The following NELL1 variants were observed in gnomAD, a reference collection of about 807,000 sequenced individuals.
NELL1 encodes the protein neural EGFL like 1.
Under a neutral mutation model 107.4 loss-of-function variants are expected in NELL1, and 76 were observed. The ratio of observed to expected loss-of-function variants is 0.71; its 90% CI spans 0.59 to 0.86. The LOEUF (loss-of-function observed/expected upper bound fraction) is 0.86. NELL1 is among the 40% of genes least tolerant of loss of function. The pLI is 0.00. For missense variants in NELL1, 1,024 were observed against 1,005.5 expected (o/e 1.02, Z -0.25); for synonymous variants, 353 against 341.2 (o/e 1.03, Z -0.38).
At chr11:21,439,715 T>C (rs1241301752) in intron 15 of NELL1, among the ~76,000 whole-genome samples, 2 of 152,158 alleles carry the variant, frequency 1.3e-5, no homozygotes, top group African/African-American at 4.8e-5. Context: ...GTTTCAAGTT[T>C]AGGGTTTTAG....
chr11:20,679,151 G>C lies in NELL1; in HGVS notation c.184+1091G>C, dbSNP rs146713894. On this transcript the variant is annotated intron_variant, in intron 2 of 19. Transcript: ENST00000357134. ...GGTTTGGGTGTACTGATGATTTATG[G>C]TCAGTGTCCATTTTGATAGGTGGGA... 6.9e-3 allele frequency among the ~76,000 whole-genome samples: 1,054 copies of C among 152,204 alleles called. 11 individuals are homozygous for C. The highest frequency in any genetic ancestry group is 0.024 in the African/African-American group (991 of 41,528).
intron 12 of NELL1, among the ~76,000 whole-genome samples, chr11:21,028,657 T>A (rs1056894100): frequency 6.6e-6 from 1 of 152,204 alleles, no homozygotes; most frequent in Non-Finnish European, 1.5e-5. Flanking sequence ...TCTTTCTTTT[T>A]TAACGTTACC....
At chr11:21,230,311 C>T (rs1206951442) in intron 14 of NELL1, among the ~76,000 whole-genome samples, 2 of 152,102 alleles carry the variant, frequency 1.3e-5, no homozygotes, top group Admixed American at 1.3e-4. Context: ...CTTGTCCCCC[C>T]ACTGTCCCTG....
intron 2 of NELL1, among the ~76,000 whole-genome samples, chr11:20,732,135 C>T (rs1264983660): frequency 6.6e-6 from 1 of 151,882 alleles, no homozygotes; most frequent in Non-Finnish European, 1.5e-5. Context: ...CGAGTCCTTT[C>T]CCTCGGTGGA....
chr11:20,859,994 A>G (rs913225131), intron 4 of NELL1, among the ~76,000 whole-genome samples: 1 of 152,218 alleles, frequency 6.6e-6, no homozygotes, highest in Non-Finnish European at 1.5e-5. Context: ...TCCTTAATAT[A>G]GCTTACAAAA....
At position 21,523,091 on chromosome 11, in the gene NELL1, C is replaced by A. The variant is rs139990880; in HGVS notation, c.1646-11283C>A. ...CTTGATCTCCTGACCTCGTGATCCG[C>A]CCGCCTCGGCATCCCAAAGAGCTGG... On this transcript the variant is annotated intron_variant, in intron 15 of 19. Coordinates refer to ENST00000357134, the MANE Select transcript of NELL1 (RefSeq NM_006157.5). 2.0e-5 allele frequency among the ~76,000 whole-genome samples: 3 copies of A among 152,082 alleles called. No individual in the cohort carries two copies. In the East Asian group the frequency reaches 5.8e-4, roughly 30 times the overall value.
rs77897373 is a variant in NELL1 at position 21,062,480 on chromosome 11, T to C, written c.1301-51109T>C. Among the ~76,000 whole-genome samples the C allele has an allele frequency of 9.4e-3, 1,429 of 152,298 alleles. 16 individuals are homozygous for C. The highest frequency in any genetic ancestry group is 0.032 in the African/African-American group (1,329 of 41,548). On this transcript the variant is annotated intron_variant, in intron 12 of 19. Transcript: ENST00000357134. ...TAATAAATCTATTAACTAGAAAGCT[T>C]TTGGCTAAACTTTCTTTTCTGTTTC...
chr11:20,705,576 A>G lies in NELL1; in HGVS notation c.184+27516A>G, dbSNP rs1310821758. On this transcript the variant is annotated intron_variant, in intron 2 of 19. Transcript: ENST00000357134. ...CCATAAAAACCCTAGAAGAAAACCT[A>G]GGCAATACCATTCAGGACATAGGCG... Among the ~76,000 whole-genome samples the G allele has an allele frequency of 1.4e-5, 2 of 142,592 alleles. 1 individual carries two copies. The highest frequency in any genetic ancestry group is 5.3e-5 in the African/African-American group (2 of 37,414). 93.5% of individuals were successfully genotyped at this position (142,592 alleles called of 152,430 possible).
chr11:21,498,761 T>C (rs1855056146), intron 15 of NELL1, among the ~76,000 whole-genome samples: 2 of 152,076 alleles, frequency 1.3e-5, no homozygotes, highest in Non-Finnish European at 2.9e-5. Flanking sequence ...TACCCATTTA[T>C]ACCATTGTAG....
At position 21,033,755 on chromosome 11, in the gene NELL1, C is replaced by A. The variant is rs1011630880; in HGVS notation, c.1300+73195C>A. ...AATTTATATTCCTTTGGGTATATAC[C>A]CAGTAATAGAATTGCTGGGTCGAAT... On this transcript the variant is annotated intron_variant, in intron 12 of 19. Coordinates refer to ENST00000357134, the MANE Select transcript of NELL1 (RefSeq NM_006157.5). 4.6e-5 allele frequency among the ~76,000 whole-genome samples: 7 copies of A among 151,934 alleles called. No homozygotes were observed. The South Asian group carries it at 1.0e-3, about 23-fold the overall frequency.
At chr11:21,356,110 C>T (rs981024739) in intron 14 of NELL1, among the ~76,000 whole-genome samples, 1 of 152,166 alleles carries the variant, frequency 6.6e-6, no homozygotes, top group African/African-American at 2.4e-5. Flanking sequence ...TTTCTCCTAT[C>T]ACTTGCTATC....
At chr11:21,300,809 T>C (rs1849475688) in intron 14 of NELL1, among the ~76,000 whole-genome samples, 1 of 152,112 alleles carries the variant, frequency 6.6e-6, no homozygotes, top group Non-Finnish European at 1.5e-5. Context: ...AACGTGCAGG[T>C]TGGTTACATA....
At chr11:21,517,864 T>C (rs777288692) in intron 15 of NELL1, among the ~76,000 whole-genome samples, 5 of 152,126 alleles carry the variant, frequency 3.3e-5, no homozygotes, top group Non-Finnish European at 5.9e-5. Context: ...CAGTGAGAAA[T>C]GATTCAGTCC....
At chr11:20,705,058 A>C (rs1474974940) in intron 2 of NELL1, among the ~76,000 whole-genome samples, 4 of 152,172 alleles carry the variant, frequency 2.6e-5, no homozygotes, top group Non-Finnish European at 5.9e-5. Context: ...GGGTAGGAAG[A>C]ATCAATATCG....
chr11:20,926,697 A>G (rs530947430), intron 7 of NELL1, among the ~76,000 whole-genome samples: 1 of 152,336 alleles, frequency 6.6e-6, no homozygotes, highest in African/African-American at 2.4e-5. Context: ...GTTATTTTAC[A>G]AAATTCTGAT....
intron 2 of NELL1, among the ~76,000 whole-genome samples, chr11:20,741,079 G>A (rs1195704338): frequency 5.3e-5 from 8 of 150,900 alleles, no homozygotes; most frequent in African/African-American, 1.7e-4. Flanking sequence ...CTTCTTTCTG[G>A]CCCCTCCCCC....
chr11:20,803,652 A>T (rs1338200549), intron 3 of NELL1, among the ~76,000 whole-genome samples: 1 of 151,646 alleles, frequency 6.6e-6, no homozygotes, highest in Non-Finnish European at 1.5e-5. Context: ...TTTATTTGAA[A>T]TTTTTCTATT....
intron 5 of NELL1, among the ~76,000 whole-genome samples, chr11:20,912,502 G>A (rs760087412): frequency 9.9e-5 from 15 of 152,106 alleles, no homozygotes; most frequent in Non-Finnish European, 1.5e-4. Context: ...AAAATGAGCC[G>A]AGGTGAACCA....
At chr11:21,404,040 C>T (rs1187860720) in intron 15 of NELL1, among the ~76,000 whole-genome samples, 5 of 114,368 alleles carry the variant, frequency 4.4e-5, no homozygotes, top group South Asian at 3.3e-4. Flanking sequence ...CTGGATATTC[C>T]CCCCGCCACC....
Sources: allele counts gnomAD v4.1 joint callset (sites outside exome capture counted in the v4.1 genomes callset), GRCh38; gene constraint gnomAD v4.1.1; transcripts MANE v1.5; gene names NCBI Gene and HGNC (gene_info 2026-07-23, HGNC 2026-07-21).